Variants in CFAP92 observed in about 807,000 individuals in gnomAD.
CFAP92 encodes cilia and flagella associated protein 92 (putative).
Under a neutral mutation model 106.3 loss-of-function variants are expected in CFAP92, and 86 were observed. That is an observed-to-expected ratio of 0.81 (90% CI 0.68 to 0.97). The LOEUF (loss-of-function observed/expected upper bound fraction) is 0.97, where lower values mean the gene tolerates loss of function less well. Ranked by LOEUF, CFAP92 falls within the 50% of genes least tolerant of loss-of-function variation. The pLI is 0.00. For synonymous variants in CFAP92, 477 were observed against 506.4 expected (o/e 0.94, Z 0.78); for missense variants, 1,204 against 1,283.8 (o/e 0.94, Z 0.95).
the CFAP92 span, among the ~76,000 whole-genome samples, chr3:129,022,049 C>G: frequency 6.6e-6 from 1 of 152,188 alleles, no homozygotes; most frequent in African/African-American, 2.4e-5. Context: ...GCTCTCACAG[C>G]ACCCAGAACT....
At chr3:128,962,576 T>C (rs949849674) in intron 9 of CFAP92, among the ~76,000 whole-genome samples, 108 of 152,070 alleles carry the variant, frequency 7.1e-4, no homozygotes, top group Admixed American at 1.7e-3. Flanking sequence ...CCTCTTGTAT[T>C]CCCCCACCTT....
At chr3:129,024,344 C>T in the CFAP92 span, among the ~76,000 whole-genome samples, 1 of 151,938 alleles carries the variant, frequency 6.6e-6, no homozygotes, top group Non-Finnish European at 1.5e-5. Flanking sequence ...CCCGCCTGGC[C>T]AACATGGTAA....
In CFAP92 at chr3:128,945,279, T is replaced by C. The variant is rs1391136243; in HGVS notation, c.2050A>G (p.Asn684Asp). ...GAGTCCAGGCCGAGGGCCTTAGCGT[T>C]GATCATGGTGATGTCCTGCAGCAGG... ...HSLLQDITMINAKALGLDSYP... is the reference protein window; with the variant it reads ...HSLLQDITMIDAKALGLDSYP... Residue 684 changes from asparagine (N) to aspartate (D), a missense_variant, in exon 10 of 16, where the codon AAC becomes GAC. Transcript: ENST00000645291. 6.5e-7 allele frequency: 1 copy of C among 1,536,156 alleles called. No individual in the cohort carries two copies. The highest frequency in any genetic ancestry group is 2.0e-5 in the Admixed American group (1 of 51,000).
chr3:129,020,444 C>T, the CFAP92 span, among the ~76,000 whole-genome samples: 1 of 152,088 alleles, frequency 6.6e-6, no homozygotes, highest in Non-Finnish European at 1.5e-5. Context: ...CAAGATCAAC[C>T]TGGGCAACAT....
the CFAP92 span, among the ~76,000 whole-genome samples, chr3:129,012,037 C>T: frequency 1.3e-5 from 2 of 152,234 alleles, no homozygotes; most frequent in African/African-American, 4.8e-5. Context: ...AAATAAGCTT[C>T]AGCCTTTTCA....
At chr3:128,910,615 G>A (rs1051620304) in intron 15 of CFAP92, 4 of 1,019,830 alleles carry the variant, frequency 3.9e-6, no homozygotes, top group Admixed American at 1.7e-5. Context: ...AAGACGGGGT[G>A]ACTCCTGTGC....
In CFAP92 at chr3:128,915,673, G is replaced by A. The variant is rs1171333565; in HGVS notation, c.2917-110C>T. On this transcript the variant is annotated intron_variant, in intron 13 of 15. Transcript: ENST00000645291. Reference sequence around the variant, plus strand: ...GGGCATAATCATAGTTCCTGACAATGTAAATAGTGCATTGAGAGGAAATGA... The same window carrying A: ...GGGCATAATCATAGTTCCTGACAATATAAATAGTGCATTGAGAGGAAATGA... 3 of 716,098 alleles carry A rather than the reference G, an allele frequency of 4.2e-6. No individual in the cohort carries two copies. The East Asian group carries it at 8.1e-5, about 19-fold the overall frequency. 44.4% of individuals were successfully genotyped at this position (716,098 alleles called of 1,614,324 possible). A position where few individuals can be genotyped will look rare whatever the true frequency, so the allele number is the denominator to read the frequency against.
chr3:128,987,730 G>A lies in CFAP92; in HGVS notation c.553C>T (p.His185Tyr), dbSNP rs1392132240. 6.2e-7 allele frequency: 1 copy of A among 1,613,906 alleles called. No individual in the cohort carries two copies. The highest frequency in any genetic ancestry group is 8.5e-7 in the Non-Finnish European group (1 of 1,179,822). ...TKELLKKINF[H>Y]KITLRLWNTK... ...TTCCAGAGCCTCAAGGTGATTTTGTGGAAATTTATTTTCTTTAATAATTCC... is the reference window on the plus strand; with the variant it reads ...TTCCAGAGCCTCAAGGTGATTTTGTAGAAATTTATTTTCTTTAATAATTCC... Residue 185 changes from histidine (H) to tyrosine (Y), a missense_variant, in exon 4 of 16, where the codon CAC becomes TAC. Transcript: ENST00000645291.
intron 12 of CFAP92, among the ~76,000 whole-genome samples, chr3:128,932,477 C>CAGG (rs1938508343): frequency 1.3e-5 from 2 of 152,144 alleles, no homozygotes; most frequent in Non-Finnish European, 2.9e-5. Flanking sequence ...TCTCACCTTT[C>CAGG]AGGAAGGACA....
upstream of CFAP92, chr3:128,994,215 G>T: frequency 1.1e-6 from 1 of 915,402 alleles, no homozygotes. Context: ...GCCACTGCGC[G>T]CAGTTTGTCA....
At chr3:128,946,039 G>A in intron 9 of CFAP92, 64 bp from the exon 10 acceptor site, 2 of 1,237,612 alleles carry the variant, frequency 1.6e-6, no homozygotes, top group Admixed American at 3.3e-5. Context: ...GCCCCAGCAT[G>A]AGGAGCTCAA....
At chr3:128,911,892 T>A (rs1047209683) in intron 15 of CFAP92, among the ~76,000 whole-genome samples, 1 of 152,220 alleles carries the variant, frequency 6.6e-6, no homozygotes, top group Admixed American at 6.5e-5. Context: ...GTCTCAGGCC[T>A]TGGCCTAGAG....
chr3:129,009,926 T>C, the CFAP92 span, among the ~76,000 whole-genome samples: 6 of 152,116 alleles, frequency 3.9e-5, no homozygotes, highest in African/African-American at 1.4e-4. Context: ...CTGGGGAGGG[T>C]GGACAGAAAA....
the CFAP92 span, among the ~76,000 whole-genome samples, chr3:129,022,856 C>T: frequency 3.0e-4 from 46 of 152,272 alleles, no homozygotes; most frequent in Middle Eastern, 0.017. Flanking sequence ...ATGTGGGAGT[C>T]GCGGGCCGGA....
chr3:128,966,316 G>A (rs1942358614), intron 8 of CFAP92, among the ~76,000 whole-genome samples: 1 of 152,206 alleles, frequency 6.6e-6, no homozygotes, highest in Admixed American at 6.5e-5. Flanking sequence ...GAGTGCTCCA[G>A]GCAGTTCTCC....
intron 10 of CFAP92, among the ~76,000 whole-genome samples, chr3:128,942,412 C>T (rs1275201490): frequency 6.6e-6 from 1 of 152,220 alleles, no homozygotes; most frequent in Non-Finnish European, 1.5e-5. Context: ...GGCTCCACTG[C>T]ACAGGTATGG....
intron 1 of CFAP92, chr3:129,001,895 C>T: frequency 5.2e-6 from 8 of 1,538,480 alleles, no homozygotes; most frequent in East Asian, 2.5e-5. Flanking sequence ...TGGGGCTGCG[C>T]GCGGAGGGGG....
At chr3:128,941,474 T>TTTTA (rs1412275745) in intron 10 of CFAP92, among the ~76,000 whole-genome samples, 2 of 152,078 alleles carry the variant, frequency 1.3e-5, no homozygotes, top group Non-Finnish European at 2.9e-5. Context: ...CTCTGCAAAT[T>TTTTA]TTTATTTATT....
At chr3:129,021,105 C>T in the CFAP92 span, among the ~76,000 whole-genome samples, 2 of 152,182 alleles carry the variant, frequency 1.3e-5, no homozygotes, top group African/African-American at 4.8e-5. Flanking sequence ...CATGAGGGGC[C>T]CTGCCAGGGA....
Sources: allele counts gnomAD v4.1 joint callset (sites outside exome capture counted in the v4.1 genomes callset), GRCh38; gene constraint gnomAD v4.1.1; transcripts MANE v1.5; gene names NCBI Gene and HGNC (gene_info 2026-07-23, HGNC 2026-07-21).